The following TMCO5A variants were observed in gnomAD, a reference collection of about 807,000 sequenced individuals.
TMCO5A encodes transmembrane and coiled-coil domain-containing protein 5A.
Under a neutral mutation model 42.3 loss-of-function variants are expected in TMCO5A, and 34 were observed. The observed-to-expected ratio is 0.80, with a 90% CI of 0.61 to 1.07. TMCO5A has a LOEUF of 1.07. TMCO5A is among the 50% of genes least tolerant of loss of function. The pLI is 0.00. For missense variants in TMCO5A, 357 were observed against 327.9 expected (o/e 1.09, Z -0.69); for synonymous variants, 131 against 115.6 (o/e 1.13, Z -0.86).
At chr15:38,035,257 G>A in the TMCO5A span, among the ~76,000 whole-genome samples, 2 of 152,162 alleles carry the variant, frequency 1.3e-5, no homozygotes, top group Non-Finnish European at 2.9e-5. Flanking sequence ...GCTACGTATT[G>A]GCTTGATTTA....
intron 11 of TMCO5A, among the ~76,000 whole-genome samples, chr15:37,965,102 C>A (rs1890525601): frequency 1.3e-5 from 2 of 152,010 alleles, no homozygotes; most frequent in South Asian, 2.1e-4. Flanking sequence ...AACCCAGAAA[C>A]AAATATGCAC....
At chr15:37,963,448 T>C (rs1890481500) in intron 11 of TMCO5A, among the ~76,000 whole-genome samples, 4 of 152,150 alleles carry the variant, frequency 2.6e-5, no homozygotes, top group African/African-American at 7.2e-5. Context: ...CTTAAATTTA[T>C]TGAGACTTGT....
the TMCO5A span, among the ~76,000 whole-genome samples, chr15:38,005,254 G>A: frequency 1.7e-5 from 2 of 118,810 alleles, no homozygotes. Flanking sequence ...TTGGAAAACA[G>A]TACTTGACAG....
At chr15:37,982,729 A>AATATATAAAT in the TMCO5A span, among the ~76,000 whole-genome samples, 5 of 140,920 alleles carry the variant, frequency 3.5e-5, no homozygotes, top group South Asian at 2.1e-4. Flanking sequence ...AAATATCTAT[A>AATATATAAAT]ATATATAAAT....
chr15:38,017,189 G>C, the TMCO5A span, among the ~76,000 whole-genome samples: 1 of 152,086 alleles, frequency 6.6e-6, no homozygotes, highest in South Asian at 2.1e-4. Flanking sequence ...AGAAACTTAA[G>C]GAATTTCTGG....
chr15:38,013,788 C>A, the TMCO5A span, among the ~76,000 whole-genome samples: 10 of 152,172 alleles, frequency 6.6e-5, no homozygotes, highest in Non-Finnish European at 8.8e-5. Flanking sequence ...GTTACTATAG[C>A]AAATTATCAT....
the TMCO5A span, among the ~76,000 whole-genome samples, chr15:37,976,793 C>CTTTTTTTTT: frequency 6.0e-5 from 7 of 116,850 alleles, no homozygotes; most frequent in South Asian, 2.8e-4. Context: ...TTTCTTCTTT[C>CTTTTTTTTT]TTTTTTTTTT....
chr15:37,979,673 C>G, the TMCO5A span, among the ~76,000 whole-genome samples: 1 of 151,922 alleles, frequency 6.6e-6, no homozygotes, highest in South Asian at 2.1e-4. Context: ...CAGCTGTGCT[C>G]GGTGGAGGGC....
At chr15:37,991,827 C>T in the TMCO5A span, among the ~76,000 whole-genome samples, 7 of 152,164 alleles carry the variant, frequency 4.6e-5, no homozygotes, top group East Asian at 5.8e-4. Flanking sequence ...AAACTGAACC[C>T]GTTGCTTACA....
chr15:37,938,355 T>C, intron 6 of TMCO5A, 126 bp downstream of exon 6: 1 of 620,898 alleles, frequency 1.6e-6, no homozygotes, highest in Non-Finnish European at 2.5e-6. Context: ...AAGCTTAAGC[T>C]TGAACCACTG....
In TMCO5A at chr15:37,936,930, A is replaced by C. The variant is rs1889535745; in HGVS notation, c.224A>C (p.Glu75Ala). The change falls in exon 4 of 12, where the codon GAA becomes GCA. Residue 75 changes from glutamate to alanine, a missense_variant. By Grantham distance (107) the Glu-to-Ala change is moderately radical. Transcript: ENST00000319669. The stretch of plus-strand genomic sequence containing the variant: ...GAGAACCGCACCACGATGGAAAGGG[A>C]AAGAGCCTTGCAGGAGCTGGAGGAA... Reference protein sequence around the residue: ...EKENRTTMERERALQELEEET... With the variant: ...EKENRTTMERARALQELEEET... 5 of 1,612,564 alleles carry C rather than the reference A, an allele frequency of 3.1e-6. No individual in the cohort carries two copies. The highest frequency in any genetic ancestry group is 3.3e-5 in the Admixed American group (2 of 59,862).
At chr15:37,969,375 G>A (rs1890630882), downstream of TMCO5A, among the ~76,000 whole-genome samples, 1 of 152,126 alleles carries the variant, frequency 6.6e-6, no homozygotes. Context: ...AGGCCTCAGA[G>A]AAAACCAAAC....
At chr15:38,010,144 C>T in the TMCO5A span, among the ~76,000 whole-genome samples, 1 of 151,672 alleles carries the variant, frequency 6.6e-6, no homozygotes, top group African/African-American at 2.4e-5. Flanking sequence ...GAGGCCGAGG[C>T]GGGCGGATCA....
At chr15:37,968,581 TC>T (rs374823894), downstream of TMCO5A, among the ~76,000 whole-genome samples, 6 of 149,482 alleles carry the variant, frequency 4.0e-5, no homozygotes, top group Non-Finnish European at 8.9e-5. Flanking sequence ...CTTCTACATT[TC>T]TTTTTTTTTT....
At chr15:38,037,929 C>T in the TMCO5A span, among the ~76,000 whole-genome samples, 4 of 151,736 alleles carry the variant, frequency 2.6e-5, no homozygotes, top group African/African-American at 9.7e-5. Context: ...AGAATAATCG[C>T]TTGAACCCGG....
intron 11 of TMCO5A, among the ~76,000 whole-genome samples, chr15:37,964,678 TA>T (rs1366425944): frequency 6.6e-6 from 1 of 151,890 alleles, no homozygotes. Flanking sequence ...TAGCCACAAA[TA>T]AAATTAAATA....
the TMCO5A span, among the ~76,000 whole-genome samples, chr15:38,011,966 T>C: frequency 6.6e-6 from 1 of 151,536 alleles, no homozygotes; most frequent in Non-Finnish European, 1.5e-5. Context: ...CTACTGAAAA[T>C]ACAAAAAAGT....
At chr15:38,015,489 TG>T in the TMCO5A span, among the ~76,000 whole-genome samples, 2 of 152,178 alleles carry the variant, frequency 1.3e-5, no homozygotes, top group Non-Finnish European at 2.9e-5. Context: ...GAATATGCTT[TG>T]GCAGTTTCTT....
intron 2 of TMCO5A, 45 bp downstream of exon 2, chr15:37,935,393 C>T (rs139246109): frequency 5.2e-5 from 8 of 152,382 alleles, no homozygotes; most frequent in Middle Eastern, 3.4e-3. Flanking sequence ...TCCTTCTCCC[C>T]TTCTACTCCT....
Sources: gnomAD v4.1 joint callset for allele counts (sites outside exome capture counted in the v4.1 genomes callset) on GRCh38, gnomAD v4.1.1 for gene constraint, MANE v1.5 for transcripts, NCBI Gene and HGNC (gene_info 2026-07-23, HGNC 2026-07-21) for gene names.